The following FUOM variants were observed in gnomAD, a reference collection of about 807,000 sequenced individuals.
FUOM encodes protein fucU homolog.
A neutral mutation model predicts 18.3 loss-of-function variants in FUOM; 19 were observed. That is an observed-to-expected ratio of 1.04 (90% CI 0.73 to 1.53). The LOEUF is 1.53. Ranked by LOEUF, FUOM falls within the 40% of genes most tolerant of loss-of-function variation. The pLI, the probability that FUOM is intolerant of heterozygous loss-of-function variation, is 0.00. For missense variants in FUOM, 210 were observed against 200.9 expected (o/e 1.04, Z -0.27); for synonymous variants, 102 against 87.9 (o/e 1.16, Z -0.90).
At chr10:133,355,089 G>C (rs1848742423), downstream of FUOM, 1 of 488,642 alleles carries the variant, frequency 2.0e-6, no homozygotes, top group East Asian at 3.3e-5. Context: ...GTACGTGGGG[G>C]CCACTCTGGA....
downstream of FUOM, among the ~76,000 whole-genome samples, chr10:133,352,878 C>T (rs1017151564): frequency 5.3e-5 from 8 of 152,242 alleles, no homozygotes; most frequent in African/African-American, 1.2e-4. Flanking sequence ...AGGCCACATG[C>T]CCCAGAAGAC....
chr10:133,353,549 G>C (rs574978644), downstream of FUOM, among the ~76,000 whole-genome samples: 1 of 152,292 alleles, frequency 6.6e-6, no homozygotes, highest in South Asian at 2.1e-4. Context: ...TTCAGCCCTC[G>C]TGTGGCCACT....
At position 133,357,238 on chromosome 10, in the gene FUOM, A is replaced by T; in HGVS notation, c.103T>A (p.Phe35Ile). The change falls in exon 2 of 6, where the codon TTC becomes ATC. Residue 35 changes from phenylalanine (F) to isoleucine (I), a missense_variant. Physicochemically the swap from Phe to Ile is conservative, Grantham distance 21. Coordinates refer to ENST00000278025, the MANE Select transcript of FUOM (RefSeq NM_001098483.3). ...CACTGGCAGATGGAGGAGGCCGGGA[A>T]GTTCAAGTCCGCAAGAACTAAACAG... ...GDEIVLADLN[F>I]PASSICQCGP... 1 of 1,581,476 alleles carries T rather than the reference A, an allele frequency of 6.3e-7. No homozygotes were observed. Among genetic ancestry groups the T allele is most frequent in the Non-Finnish European group, 8.6e-7 (1 of 1,164,894 alleles).
In FUOM at chr10:133,357,174, G is replaced by C. The variant is rs769645530; in HGVS notation, c.154+13C>G. The C allele has an allele frequency of 4.9e-5, 77 of 1,563,162 alleles. No individual in the cohort carries two copies. The highest frequency in any genetic ancestry group is 2.3e-5 in the Non-Finnish European group (26 of 1,154,780). On this transcript the variant is annotated intron_variant, in intron 2 of 5. Transcript: ENST00000278025. ...CCGCCCGCCCTGCCCTGGGGGACCT[G>C]GGGCTCGCTCACCGTCTGCACGGAT...
intron 5 of FUOM, 30 bp from the exon 6 acceptor site, chr10:133,355,466 TG>T (rs771102867): frequency 3.1e-6 from 5 of 1,608,724 alleles, no homozygotes; most frequent in Non-Finnish European, 4.2e-6. Context: ...AGCACTGAGC[TG>T]GGCTGCAGGG....
In FUOM at chr10:133,355,415, G is replaced by T; in HGVS notation, c.420C>A (p.Asn140Lys). The change falls in exon 6 of 6, where the codon AAC (asparagine) becomes AAA (lysine). Residue 140 changes from asparagine to lysine, a missense_variant. Transcript: ENST00000278025. ...VATGETALYG[N>K]LILRKGVLAL... is the part of the protein sequence containing the mutation. Reference sequence around the variant, plus strand: ...CAAGCACCCCCTTCCTGAGGATGAGGTTTCCGTAGAGGGCCGTCTCCCTGC... The same window carrying T: ...CAAGCACCCCCTTCCTGAGGATGAGTTTTCCGTAGAGGGCCGTCTCCCTGC... 1.2e-6 allele frequency: 2 copies of T among 1,609,900 alleles called. No individual in the cohort carries two copies. The highest frequency in any genetic ancestry group is 2.2e-5 in the South Asian group (2 of 90,766).
chr10:133,354,180 C>G (rs1345867764), downstream of FUOM, among the ~76,000 whole-genome samples: 2 of 152,272 alleles, frequency 1.3e-5, 1 homozygote, highest in South Asian at 4.1e-4. Context: ...TAGGCCACGA[C>G]GCGGCCATCG....
Position 133,356,739 on chromosome 10 carries a change from C to G in FUOM, c.226-1G>C. 1 of 1,575,270 alleles carries G rather than the reference C, an allele frequency of 6.3e-7. No individual in the cohort carries two copies. The highest frequency in any genetic ancestry group is 8.6e-7 in the Non-Finnish European group (1 of 1,161,116). ...TGGGCACCAGCTCCATGACTGCAGC[C>G]TAGAGGGAGGGGTCAGCTCTGGGGC... On this transcript the variant is annotated splice_acceptor_variant, in intron 3 of 5. Transcript: ENST00000278025. LOFTEE classifies it high-confidence loss of function.
intron 1 of FUOM, 101 bp downstream of exon 1, chr10:133,357,822 A>G (rs1031295285): frequency 1.1e-6 from 1 of 914,932 alleles, no homozygotes; most frequent in Non-Finnish European, 1.6e-6. Context: ...CAACGCCCAC[A>G]CCCCAGGACG....
At chr10:133,355,508 G>T in intron 5 of FUOM, 72 bp from the exon 6 acceptor site, 1 of 1,606,344 alleles carries the variant, frequency 6.2e-7, no homozygotes. Flanking sequence ...TTCAGCATCT[G>T]GGGGACAGAG....
downstream of FUOM, among the ~76,000 whole-genome samples, chr10:133,354,485 GC>G (rs963563425): frequency 1.1e-4 from 16 of 152,268 alleles, no homozygotes; most frequent in African/African-American, 3.9e-4. Context: ...CCTGGGGGAA[GC>G]CCCTGTCATC....
downstream of FUOM, among the ~76,000 whole-genome samples, chr10:133,354,453 C>T (rs1848731229): frequency 6.6e-6 from 1 of 152,174 alleles, no homozygotes; most frequent in South Asian, 2.1e-4. Flanking sequence ...CCCCTCGAGC[C>T]CCGGGGACAC....
downstream of FUOM, chr10:133,355,106 A>C: frequency 1.9e-6 from 1 of 521,216 alleles, no homozygotes; most frequent in Non-Finnish European, 3.4e-6. Flanking sequence ...TGGAGCCAGC[A>C]GCCTCCCTTG....
rs761906751 is a variant in FUOM, at chr10:133,356,846, G to A, written c.225+97C>T. 84 of 1,452,102 alleles carry A rather than the reference G, an allele frequency of 5.8e-5. 1 individual carries two copies. Among genetic ancestry groups the A allele is most frequent in the Admixed American group, 6.3e-5 (3 of 47,636 alleles). The allele number at this position is 1,452,102 out of a possible 1,614,324, so 90.0% of individuals were successfully genotyped here. On this transcript the variant is annotated intron_variant, in intron 3 of 5. Transcript: ENST00000278025. ...GTCAGGGCCCCTTTGGGGACACATG[G>A]CTTCCCCCCACTCCAAGGCAGGTGG...
At chr10:133,354,891 G>A (rs1291918971), downstream of FUOM, among the ~76,000 whole-genome samples, 1 of 152,198 alleles carries the variant, frequency 6.6e-6, no homozygotes, top group African/African-American at 2.4e-5. Context: ...CGGGTGGAAG[G>A]AATGGACCCC....
Position 133,357,977 on chromosome 10 carries a change from G to A in FUOM, c.31C>T (p.Leu11=). The A allele has an allele frequency of 6.6e-7, 1 of 1,519,784 alleles. No individual in the cohort carries two copies. The allele number at this position is 1,519,784 out of a possible 1,614,324, so 94.1% of individuals were successfully genotyped here. The change falls in exon 1 of 6, where the codon CTG becomes TTG. Residue 11 remains leucine (L), a synonymous_variant. Transcript: ENST00000278025. The part of the protein sequence containing the change: MVALKGVPAL[L]SPELLYALAR... ...AGCGCGTAGAGCAGCTCGGGGGACA[G>A]CAGTGCGGGGACACCCTTCAGCGCC...
chr10:133,357,815 C>T (rs1332698458), intron 1 of FUOM, 108 bp downstream of exon 1: 1 of 833,956 alleles, frequency 1.2e-6, no homozygotes, highest in African/African-American at 1.8e-5. Context: ...GCCCGAGCAA[C>T]GCCCACACCC....
Position 133,355,786 on chromosome 10 carries a change from A to C in FUOM, c.350T>G (p.Phe117Cys). The part of the protein sequence containing the change: ...CVRALAKIER[F>C]EFYERAKKAF... ...CTTCTTAGCCCGTTCATAAAACTCA[A>C]ACCTCTCTATCTTTGCCAGGGCTCT... The change falls in exon 5 of 6, where the codon TTT (phenylalanine) becomes TGT (cysteine). Residue 117 changes from phenylalanine to cysteine, a missense_variant. Coordinates refer to ENST00000278025, the MANE Select transcript of FUOM (RefSeq NM_001098483.3). 5 of 1,613,054 alleles carry C rather than the reference A, an allele frequency of 3.1e-6. No homozygotes were observed. In the South Asian group the frequency reaches 5.5e-5, roughly 18 times the overall value.
At position 133,357,266 on chromosome 10, in the gene FUOM, G is replaced by C. The variant is rs779530808; in HGVS notation, c.86-11C>G. The C allele has an allele frequency of 6.4e-7, 1 of 1,568,238 alleles. No homozygotes were observed. The highest frequency in any genetic ancestry group is 8.6e-7 in the Non-Finnish European group (1 of 1,157,680). On this transcript the variant is annotated splice_polypyrimidine_tract_variant and intron_variant, in intron 1 of 5. Transcript: ENST00000278025. ...TCAAGTCCGCAAGAACTAAACAGCCGGGAGGACAGCCCGTGTCGGCACCTA... is the reference window on the plus strand; with the variant it reads ...TCAAGTCCGCAAGAACTAAACAGCCCGGAGGACAGCCCGTGTCGGCACCTA...
Sources: allele counts gnomAD v4.1 joint callset (sites outside exome capture counted in the v4.1 genomes callset), GRCh38; gene constraint gnomAD v4.1.1; transcripts MANE v1.5; gene names NCBI Gene and HGNC (gene_info 2026-07-23, HGNC 2026-07-21).